Variants in TBC1D22A observed in about 807,000 individuals in gnomAD.
The protein encoded by TBC1D22A is TBC1 domain family member 22A.
A neutral mutation model predicts 60.2 loss-of-function variants in TBC1D22A; 38 were observed. That is an observed-to-expected ratio of 0.63 (90% CI 0.49 to 0.83). The LOEUF is 0.83. TBC1D22A is among the 40% of genes least tolerant of loss of function. The pLI is 0.00. For synonymous variants in TBC1D22A, 302 were observed against 281.7 expected, an observed-to-expected ratio of 1.07 and a Z score of -0.72; for missense variants, 628 against 701.0, an observed-to-expected ratio of 0.90 and a Z score of 1.18.
chr22:46,884,030 G>A (rs1223499933), intron 5 of TBC1D22A, among the ~76,000 whole-genome samples: 2 of 152,210 alleles, frequency 1.3e-5, no homozygotes, highest in Non-Finnish European at 2.9e-5. Flanking sequence ...TGCACTCAGC[G>A]AGGAAGGACT....
At chr22:46,888,423 C>T (rs1009709046) in intron 5 of TBC1D22A, among the ~76,000 whole-genome samples, 5 of 152,178 alleles carry the variant, frequency 3.3e-5, no homozygotes, top group Non-Finnish European at 5.9e-5. Flanking sequence ...AAGTGCCATC[C>T]GGGATGTATT....
At chr22:46,865,218 C>A (rs1040441613) in intron 4 of TBC1D22A, among the ~76,000 whole-genome samples, 2 of 152,204 alleles carry the variant, frequency 1.3e-5, no homozygotes, top group African/African-American at 2.4e-5. Flanking sequence ...GCACCACCCC[C>A]CGCTGCATCT....
chr22:46,912,052 C>T (rs559010732), intron 7 of TBC1D22A, 22 bp from the exon 8 acceptor site: 1 of 1,574,768 alleles, frequency 6.4e-7, no homozygotes, highest in Non-Finnish European at 8.7e-7. Context: ...TTTGCTTTAC[C>T]ACCTGTTCCA....
In TBC1D22A at chr22:47,145,954, G is replaced by C. The variant is rs928597197; in HGVS notation, c.1426-27544G>C. 2.6e-4 allele frequency among the ~76,000 whole-genome samples: 40 copies of C among 152,050 alleles called. No individual in the cohort carries two copies. The Middle Eastern group carries it at 0.01, about 39-fold the overall frequency. On this transcript the variant is annotated intron_variant, in intron 12 of 12. Coordinates refer to ENST00000337137, the MANE Select transcript of TBC1D22A (RefSeq NM_014346.5). ...TTCCTTAAAGCAGGGGTTGACTGGG[G>C]GCTGCGGCACGGGGATGCACTGGAT... is the stretch of plus-strand genomic sequence containing the variant.
At chr22:46,789,385 G>A (rs752791676) in intron 1 of TBC1D22A, 2 of 456,648 alleles carry the variant, frequency 4.4e-6, no homozygotes, top group Middle Eastern at 3.3e-4. Context: ...TCGGCCTCCC[G>A]ATAAGACTGG....
intron 10 of TBC1D22A, among the ~76,000 whole-genome samples, chr22:47,020,340 C>T (rs963850363): frequency 7.9e-5 from 12 of 152,256 alleles, no homozygotes; most frequent in East Asian, 3.9e-4. Context: ...CCATACAGTG[C>T]GTCGGGAGAG....
At chr22:46,797,268 A>G (rs1031067604) in intron 3 of TBC1D22A, among the ~76,000 whole-genome samples, 176 bp from the exon 4 acceptor site, 1 of 152,212 alleles carries the variant, frequency 6.6e-6, no homozygotes, top group African/African-American at 2.4e-5. Flanking sequence ...CAGTGAAGCG[A>G]GTGAATTTCA....
chr22:46,936,269 G>T (rs906713208), intron 8 of TBC1D22A, among the ~76,000 whole-genome samples: 2 of 152,136 alleles, frequency 1.3e-5, no homozygotes, highest in African/African-American at 4.8e-5. Context: ...TCCTCCTGGG[G>T]CCAGGCTCCT....
intron 4 of TBC1D22A, among the ~76,000 whole-genome samples, chr22:46,829,773 C>T (rs1448811105): frequency 1.3e-5 from 2 of 152,196 alleles, no homozygotes; most frequent in African/African-American, 4.8e-5. Flanking sequence ...CTGAGGTTAT[C>T]TCTAGCCTTT....
intron 4 of TBC1D22A, among the ~76,000 whole-genome samples, chr22:46,809,675 A>G (rs1029511046): frequency 1.3e-5 from 2 of 152,084 alleles, no homozygotes; most frequent in East Asian, 1.9e-4. Context: ...TTACTAACAC[A>G]GTGACCTGGG....
At chr22:47,139,066 C>T (rs1433040495) in intron 12 of TBC1D22A, among the ~76,000 whole-genome samples, 2 of 152,238 alleles carry the variant, frequency 1.3e-5, no homozygotes, top group African/African-American at 4.8e-5. Context: ...AGCCGTCTCC[C>T]CTGAGGGCCC....
intron 3 of TBC1D22A, among the ~76,000 whole-genome samples, chr22:46,794,102 G>A (rs2084546738): frequency 6.6e-6 from 1 of 152,216 alleles, no homozygotes; most frequent in Admixed American, 6.5e-5. Context: ...CTAGCTACGT[G>A]CATGTCTTCT....
At chr22:47,109,979 G>A (rs2065788128) in intron 11 of TBC1D22A, among the ~76,000 whole-genome samples, 1 of 152,038 alleles carries the variant, frequency 6.6e-6, no homozygotes. Flanking sequence ...CAGTCGGAGG[G>A]ATGCTTTTGA....
intron 4 of TBC1D22A, among the ~76,000 whole-genome samples, chr22:46,798,304 G>A (rs923585197): frequency 1.3e-5 from 2 of 152,262 alleles, no homozygotes; most frequent in Non-Finnish European, 2.9e-5. Context: ...TGGGGGCACA[G>A]CGCTGGTGAC....
chr22:46,917,794 CAG>C (rs1240532288), intron 8 of TBC1D22A, among the ~76,000 whole-genome samples: 1 of 151,992 alleles, frequency 6.6e-6, no homozygotes, highest in Non-Finnish European at 1.5e-5. Context: ...TCTGATGTGT[CAG>C]GGGTCTCCGA....
intron 8 of TBC1D22A, among the ~76,000 whole-genome samples, chr22:46,933,448 G>A (rs2147901098): frequency 6.6e-6 from 1 of 152,362 alleles, no homozygotes; most frequent in African/African-American, 2.4e-5. Context: ...ATTGAGGTGT[G>A]TGAAAGTTCT....
chr22:47,147,742 G>A (rs574230510), intron 12 of TBC1D22A, among the ~76,000 whole-genome samples: 28 of 152,360 alleles, frequency 1.8e-4, no homozygotes, highest in African/African-American at 5.5e-4. Flanking sequence ...GGGTAGGAGC[G>A]GGTCCAGCAG....
At chr22:46,896,713 C>T (rs778742529) in intron 7 of TBC1D22A, among the ~76,000 whole-genome samples, 17 of 152,138 alleles carry the variant, frequency 1.1e-4, no homozygotes, top group Non-Finnish European at 1.9e-4. Context: ...TATCGCACCC[C>T]GCAAGTAATT....
chr22:47,136,462 G>C (rs1340230437), intron 12 of TBC1D22A, among the ~76,000 whole-genome samples: 3 of 152,220 alleles, frequency 2.0e-5, no homozygotes, highest in African/African-American at 7.2e-5. Context: ...TCCTCAGTTT[G>C]TGTGTGAAAT....
Sources: allele counts gnomAD v4.1 joint callset (sites outside exome capture counted in the v4.1 genomes callset), GRCh38; gene constraint gnomAD v4.1.1; transcripts MANE v1.5; gene names NCBI Gene and HGNC (gene_info 2026-07-23, HGNC 2026-07-21).